The following TCF12 variants were observed in gnomAD, a reference collection of about 807,000 sequenced individuals.
The protein encoded by TCF12 is DNA-binding protein HTF4.
A neutral mutation model predicts 86.0 loss-of-function variants in TCF12; 45 were observed. The observed-to-expected ratio is 0.52, with a 90% confidence interval of 0.41 to 0.67. TCF12 has a LOEUF of 0.67. Among genes scored for constraint, TCF12 ranks in the 30% least tolerant of loss-of-function variants. The probability of loss-of-function intolerance (pLI) is 0.00; values close to 1 mark genes in which losing one functional copy is unlikely to be tolerated. For missense variants in TCF12, 881 were observed against 859.9 expected, an observed-to-expected ratio of 1.02 and a Z score of -0.31; for synonymous variants, 330 against 299.6, an observed-to-expected ratio of 1.10 and a Z score of -1.05.
intron 17 of TCF12, 127 bp downstream of exon 17, chr15:57,262,335 C>T (rs1454952640): frequency 1.7e-5 from 12 of 725,578 alleles, no homozygotes; most frequent in Non-Finnish European, 2.2e-5. Context: ...TTCCAAATAG[C>T]GTGGAGAGCA....
intron 6 of TCF12, among the ~76,000 whole-genome samples, chr15:57,184,613 A>G (rs188511277): frequency 5.3e-5 from 8 of 152,330 alleles, no homozygotes; most frequent in Non-Finnish European, 1.0e-4. Context: ...TGAAATACCA[A>G]TGATATTTAA....
At chr15:57,194,696 G>T (rs1271793619) in intron 7 of TCF12, among the ~76,000 whole-genome samples, 5 of 152,006 alleles carry the variant, frequency 3.3e-5, no homozygotes, top group African/African-American at 1.2e-4. Flanking sequence ...GCTAAAATTT[G>T]TTCAGTCTCA....
chr15:57,212,018 G>GGT (rs1443161357), intron 8 of TCF12, among the ~76,000 whole-genome samples: 4 of 150,686 alleles, frequency 2.7e-5, no homozygotes, highest in Admixed American at 2.6e-4. Context: ...CTTTAAGATT[G>GGT]GTGTGGACAC....
chr15:57,257,997 A>G (rs1420805841), intron 16 of TCF12, among the ~76,000 whole-genome samples: 7 of 152,148 alleles, frequency 4.6e-5, no homozygotes, highest in Non-Finnish European at 1.0e-4. Flanking sequence ...AAAACTGAAA[A>G]TAAAAGGAAT....
At chr15:57,015,324 A>G (rs941253424) in intron 3 of TCF12, among the ~76,000 whole-genome samples, 1 of 152,200 alleles carries the variant, frequency 6.6e-6, no homozygotes, top group African/African-American at 2.4e-5. Context: ...GATGCTTTAA[A>G]TTTAACATAG....
intron 3 of TCF12, among the ~76,000 whole-genome samples, chr15:56,936,420 C>T (rs1171501827): frequency 6.6e-6 from 1 of 152,066 alleles, no homozygotes; most frequent in African/African-American, 2.4e-5. Context: ...TTTTCTTGCA[C>T]TCTGTGTGTT....
intron 3 of TCF12, among the ~76,000 whole-genome samples, chr15:57,051,625 A>T (rs903431350): frequency 6.6e-6 from 1 of 151,850 alleles, no homozygotes; most frequent in South Asian, 2.1e-4. Flanking sequence ...CGCCCAGCCT[A>T]TTTTCTGACT....
chr15:57,239,955 T>C (rs1371444533), intron 12 of TCF12, among the ~76,000 whole-genome samples: 2 of 152,252 alleles, frequency 1.3e-5, no homozygotes, highest in South Asian at 2.1e-4. Context: ...CATACCTGGA[T>C]GTGATAGTTG....
intron 16 of TCF12, among the ~76,000 whole-genome samples, chr15:57,260,119 A>G (rs2060521331): frequency 6.6e-6 from 1 of 152,142 alleles, no homozygotes; most frequent in South Asian, 2.1e-4. Flanking sequence ...ATTATGTTTA[A>G]GTTCGTGTGA....
At chr15:57,098,620 C>T (rs570159645) in intron 5 of TCF12, among the ~76,000 whole-genome samples, 221 of 152,258 alleles carry the variant, frequency 1.5e-3, no homozygotes, top group Non-Finnish European at 2.8e-3. Flanking sequence ...GTCAGTGATA[C>T]GAATAAATTC....
At chr15:57,034,680 T>C (rs1438847498) in intron 3 of TCF12, among the ~76,000 whole-genome samples, 1 of 152,240 alleles carries the variant, frequency 6.6e-6, no homozygotes, top group African/African-American at 2.4e-5. Flanking sequence ...ACAGTGAATT[T>C]AATAGTGGTA....
chr15:57,015,133 A>T (rs28706760), intron 3 of TCF12, among the ~76,000 whole-genome samples: 1 of 151,974 alleles, frequency 6.6e-6, no homozygotes, highest in Admixed American at 6.6e-5. Context: ...TACAAAAAAT[A>T]AAAAATTAGC....
intron 3 of TCF12, among the ~76,000 whole-genome samples, chr15:56,999,953 A>T (rs1199213391): frequency 6.6e-6 from 1 of 152,168 alleles, no homozygotes; most frequent in Admixed American, 6.6e-5. Flanking sequence ...CACCCACCTC[A>T]GCCTCCCAAA....
At chr15:56,931,322 G>A (rs987712227) in intron 3 of TCF12, among the ~76,000 whole-genome samples, 1 of 152,050 alleles carries the variant, frequency 6.6e-6, no homozygotes, top group African/African-American at 2.4e-5. Context: ...TCATCTTTTG[G>A]GCCAAGGAGT....
At chr15:57,029,443 A>G (rs1216126818) in intron 3 of TCF12, among the ~76,000 whole-genome samples, 1 of 152,172 alleles carries the variant, frequency 6.6e-6, no homozygotes, top group Admixed American at 6.5e-5. Context: ...GTTTCATTTT[A>G]GAAAGGCTTG....
chr15:57,163,441 TG>T (rs1160820388), intron 5 of TCF12, among the ~76,000 whole-genome samples: 1 of 152,172 alleles, frequency 6.6e-6, no homozygotes, highest in Non-Finnish European at 1.5e-5. Flanking sequence ...AGCTCATACC[TG>T]TAACGTCAAC....
rs545531956 is a variant in TCF12, at chr15:57,194,475, C to T, written c.526+2182C>T. 2.0e-5 allele frequency among the ~76,000 whole-genome samples: 3 copies of T among 152,268 alleles called. No individual in the cohort carries two copies. The South Asian group carries it at 6.2e-4, about 32-fold the overall frequency. ...TGGGTTCTTACTACATTCTTTATGGCTGTTTCTCATTGTTAGCCGCTCTTT... is the reference window on the plus strand; with the variant it reads ...TGGGTTCTTACTACATTCTTTATGGTTGTTTCTCATTGTTAGCCGCTCTTT... On this transcript the variant is annotated intron_variant, in intron 7 of 20. Coordinates refer to ENST00000333725, the MANE Select transcript of TCF12 (RefSeq NM_207037.2).
At chr15:57,010,975 A>G in intron 3 of TCF12, among the ~76,000 whole-genome samples, 1 of 152,214 alleles carries the variant, frequency 6.6e-6, no homozygotes. Flanking sequence ...GAAAATTCCC[A>G]GGTCCTTTTT....
At chr15:57,206,346 C>T (rs1470310863) in intron 8 of TCF12, among the ~76,000 whole-genome samples, 2 of 151,982 alleles carry the variant, frequency 1.3e-5, no homozygotes, top group Admixed American at 6.6e-5. Flanking sequence ...ACTAAAAATA[C>T]AAAAATTAGC....
Sources: allele counts gnomAD v4.1 joint callset (sites outside exome capture counted in the v4.1 genomes callset), GRCh38; gene constraint gnomAD v4.1.1; transcripts MANE v1.5; gene names NCBI Gene and HGNC (gene_info 2026-07-23, HGNC 2026-07-21).